PXT1: variants seen among roughly 807,000 people sequenced by gnomAD.
The protein encoded by PXT1 is peroxisomal testis enriched protein 1.
Under a neutral mutation model 11.0 loss-of-function variants are expected in PXT1, and 11 were observed. The observed-to-expected ratio is 1.00, with a 90% CI of 0.63 to 1.66. The LOEUF (loss-of-function observed/expected upper bound fraction) is 1.66. Among genes scored for constraint, PXT1 ranks in the 40% most tolerant of loss-of-function variants. PXT1 has a pLI of 0.00. For synonymous variants in PXT1, 43 were observed against 51.4 expected (o/e 0.84, Z 0.70); for missense variants, 141 against 155.5 (o/e 0.91, Z 0.49).
intron 3 of PXT1, among the ~76,000 whole-genome samples, chr6:36,411,857 A>G (rs1200519124): frequency 6.6e-6 from 1 of 151,598 alleles, no homozygotes; most frequent in Non-Finnish European, 1.5e-5. Flanking sequence ...CCGAGGTGAG[A>G]GGATCATTTG....
At chr6:36,420,480 CA>C (rs1774508585) in intron 3 of PXT1, among the ~76,000 whole-genome samples, 1 of 152,102 alleles carries the variant, frequency 6.6e-6, no homozygotes, top group African/African-American at 2.4e-5. Context: ...TCCATATTCA[CA>C]ATTGTCCATG....
intron 2 of PXT1, among the ~76,000 whole-genome samples, chr6:36,436,451 A>G (rs1774765565): frequency 6.6e-6 from 1 of 152,210 alleles, no homozygotes. Context: ...TGGGATGATA[A>G]GTAGAAAATA....
intron 3 of PXT1, among the ~76,000 whole-genome samples, chr6:36,410,921 AT>A: frequency 6.6e-6 from 1 of 152,202 alleles, no homozygotes; most frequent in Admixed American, 6.5e-5. Context: ...TCTGCTACAT[AT>A]TAACTATGTA....
At chr6:36,402,285 A>G (rs1426286065) in intron 3 of PXT1, among the ~76,000 whole-genome samples, 1 of 152,228 alleles carries the variant, frequency 6.6e-6, no homozygotes, top group Non-Finnish European at 1.5e-5. Context: ...CTTAGAAACC[A>G]TGGGTTAGAG....
intron 1 of PXT1, among the ~76,000 whole-genome samples, chr6:36,440,096 T>G (rs934802629): frequency 6.6e-6 from 1 of 151,536 alleles, no homozygotes; most frequent in African/African-American, 2.4e-5. Flanking sequence ...AGACTCTGTC[T>G]CAGAAAACAA....
At chr6:36,433,773 TCTGCACTCCA>T (rs1459789658) in intron 2 of PXT1, among the ~76,000 whole-genome samples, 1 of 141,922 alleles carries the variant, frequency 7.0e-6, no homozygotes, top group Non-Finnish European at 1.5e-5. Flanking sequence ...TGCGGTGAGC[TCTGCACTCCA>T]CTGCACTCCA....
chr6:36,421,962 T>G (rs1774529853), intron 3 of PXT1, among the ~76,000 whole-genome samples: 1 of 152,246 alleles, frequency 6.6e-6, no homozygotes, highest in Non-Finnish European at 1.5e-5. Flanking sequence ...TCCAAAATCA[T>G]GTGATCTCTC....
At chr6:36,409,413 G>A (rs1054300037) in intron 3 of PXT1, among the ~76,000 whole-genome samples, 5 of 152,152 alleles carry the variant, frequency 3.3e-5, no homozygotes, top group Non-Finnish European at 7.4e-5. Flanking sequence ...CCACCAAGAC[G>A]CAGAGACTGG....
At chr6:36,392,093 C>T (rs1175285212) in intron 4 of PXT1, 4 of 460,428 alleles carry the variant, frequency 8.7e-6, no homozygotes, top group African/African-American at 2.0e-5. Flanking sequence ...CCTATCTGAC[C>T]GTCTTTCCCA....
chr6:36,405,495 C>T (rs1484438372), intron 3 of PXT1, among the ~76,000 whole-genome samples: 1 of 152,136 alleles, frequency 6.6e-6, no homozygotes, highest in Non-Finnish European at 1.5e-5. Context: ...TCTCCTGCCT[C>T]AGCCTCTCAA....
At chr6:36,419,791 C>A (rs1421864549) in intron 3 of PXT1, among the ~76,000 whole-genome samples, 3 of 152,172 alleles carry the variant, frequency 2.0e-5, no homozygotes, top group African/African-American at 7.2e-5. Flanking sequence ...AAAACAGCAA[C>A]AATAATGCAC....
At chr6:36,409,498 C>A (rs1349188470) in intron 3 of PXT1, among the ~76,000 whole-genome samples, 1 of 151,950 alleles carries the variant, frequency 6.6e-6, no homozygotes, top group African/African-American at 2.4e-5. Context: ...GCTCACTGTA[C>A]CTAGCACAGA....
intron 3 of PXT1, among the ~76,000 whole-genome samples, chr6:36,411,117 T>C (rs189779765): frequency 6.6e-6 from 1 of 152,306 alleles, no homozygotes. Flanking sequence ...GTAAACAAAA[T>C]AATGGTTCAT....
chr6:36,428,576 C>T (rs1263653953), intron 2 of PXT1, among the ~76,000 whole-genome samples: 4 of 152,120 alleles, frequency 2.6e-5, no homozygotes, highest in Non-Finnish European at 4.4e-5. Flanking sequence ...CATTGCTAGA[C>T]AACTGAGAAT....
intron 2 of PXT1, among the ~76,000 whole-genome samples, chr6:36,429,753 C>T (rs1407229997): frequency 6.6e-6 from 1 of 151,332 alleles, no homozygotes; most frequent in Non-Finnish European, 1.5e-5. Context: ...GATCCACCCA[C>T]CTCGGCCTCC....
chr6:36,399,896 G>A (rs558739365), intron 4 of PXT1, among the ~76,000 whole-genome samples: 1 of 152,250 alleles, frequency 6.6e-6, no homozygotes, highest in East Asian at 1.9e-4. Context: ...GGCTGATTCA[G>A]GGAGGATAAC....
At chr6:36,419,788 C>T (rs1410005036) in intron 3 of PXT1, among the ~76,000 whole-genome samples, 2 of 152,122 alleles carry the variant, frequency 1.3e-5, no homozygotes, top group Admixed American at 1.3e-4. Context: ...TGTAAAACAG[C>T]AACAATAATG....
intron 3 of PXT1, among the ~76,000 whole-genome samples, chr6:36,420,380 C>CA (rs1160477375): frequency 1.3e-5 from 2 of 152,280 alleles, no homozygotes; most frequent in African/African-American, 4.8e-5. Flanking sequence ...AGCATTAATG[C>CA]AGAAGGATCT....
chr6:36,423,827 C>A (rs1561931787), intron 3 of PXT1, among the ~76,000 whole-genome samples: 1 of 152,130 alleles, frequency 6.6e-6, no homozygotes, highest in African/African-American at 2.4e-5. Flanking sequence ...GTTTGGCAGG[C>A]GTTGAAAGCA....
Sources: gnomAD v4.1 joint callset for allele counts (sites outside exome capture counted in the v4.1 genomes callset) on GRCh38, gnomAD v4.1.1 for gene constraint, MANE v1.5 for transcripts, NCBI Gene and HGNC (gene_info 2026-07-23, HGNC 2026-07-21) for gene names.